Variants in ROBO2 observed in about 807,000 individuals in gnomAD.
ROBO2 encodes the protein roundabout guidance receptor 2, also known as roundabout homolog 2.
Under a neutral mutation model 160.8 loss-of-function variants are expected in ROBO2, and 53 were observed. The ratio of observed to expected loss-of-function variants is 0.33; its 90% CI spans 0.26 to 0.41. The LOEUF (loss-of-function observed/expected upper bound fraction) is 0.41, where lower values mean the gene tolerates loss of function less well. Among genes scored for constraint, ROBO2 ranks in the 10% least tolerant of loss-of-function variants. The pLI, the probability that ROBO2 is intolerant of heterozygous loss-of-function variation, is 1.00. For synonymous variants in ROBO2, 664 were observed against 611.7 expected (o/e 1.09, Z -1.26); for missense variants, 1,577 against 1,722.4 (o/e 0.92, Z 1.49).
At chr3:76,805,512 C>A (rs898512595) in intron 2 of ROBO2, among the ~76,000 whole-genome samples, 1 of 151,748 alleles carries the variant, frequency 6.6e-6, no homozygotes, top group Non-Finnish European at 1.5e-5. Flanking sequence ...TACACACACA[C>A]ATATGTATAT....
intron 1 of ROBO2, among the ~76,000 whole-genome samples, chr3:77,067,951 C>T (rs941336804): frequency 2.6e-5 from 4 of 151,872 alleles, no homozygotes; most frequent in Non-Finnish European, 4.4e-5. Flanking sequence ...CTAGAGTATA[C>T]CTGTTTAAGA....
chr3:76,693,211 C>T (rs935726761), intron 2 of ROBO2, among the ~76,000 whole-genome samples: 1 of 148,124 alleles, frequency 6.8e-6, no homozygotes, highest in African/African-American at 2.5e-5. Flanking sequence ...AGTGTACATA[C>T]ACATATCCCT....
chr3:76,678,752 C>T (rs1368356383), intron 2 of ROBO2, among the ~76,000 whole-genome samples: 10 of 152,110 alleles, frequency 6.6e-5, no homozygotes, highest in Admixed American at 5.2e-4. Flanking sequence ...TTTTGCTCAG[C>T]CGCTAATATT....
rs563332860 is a variant in ROBO2, at chr3:75,985,627, T to C, written c.109+48025T>C. On this transcript the variant is annotated intron_variant, in intron 2 of 26. Transcript: ENST00000487694. ...TTTATGGCTATGTATAGGTCAGTGATACTAAGTACATTTATATTGTGCAAT... is the reference window on the plus strand; with the variant it reads ...TTTATGGCTATGTATAGGTCAGTGACACTAAGTACATTTATATTGTGCAAT... Among the ~76,000 whole-genome samples the C allele has an allele frequency of 2.0e-5, 3 of 151,718 alleles. No individual in the cohort carries two copies. In the East Asian group the frequency reaches 5.8e-4, roughly 29 times the overall value.
rs200470889 is a variant in ROBO2, at chr3:75,935,787, T to C, written c.-13-1694T>C. 6.3e-4 allele frequency among the ~76,000 whole-genome samples: 96 copies of C among 152,260 alleles called. No homozygotes were observed. The East Asian group carries it at 0.018, about 28-fold the overall frequency. On this transcript the variant is annotated intron_variant, in intron 1 of 26. Coordinates refer to the ROBO2 transcript ENST00000487694. Reference sequence around the variant, plus strand: ...TTTTTGGCTGATTGTTGGACTACAATTGGGAGATCTAGAACTAAATTCCTG... The same window carrying C: ...TTTTTGGCTGATTGTTGGACTACAACTGGGAGATCTAGAACTAAATTCCTG...
chr3:77,379,991 T>C (rs953249008), intron 2 of ROBO2, among the ~76,000 whole-genome samples: 2 of 152,026 alleles, frequency 1.3e-5, no homozygotes, highest in African/African-American at 4.8e-5. Context: ...GAAGCAAAGG[T>C]ATTTGGATTG....
intron 1 of ROBO2, among the ~76,000 whole-genome samples, chr3:77,089,849 T>A (rs996748147): frequency 6.6e-6 from 1 of 152,192 alleles, no homozygotes; most frequent in Non-Finnish European, 1.5e-5. Context: ...TTAATCATCA[T>A]GAAGAATTCA....
chr3:76,913,257 T>C (rs891210131), intron 2 of ROBO2, among the ~76,000 whole-genome samples: 2 of 152,158 alleles, frequency 1.3e-5, no homozygotes, highest in African/African-American at 4.8e-5. Context: ...GAGAGGTCTT[T>C]AGGAGGCGTT....
chr3:76,892,992 C>T lies in ROBO2; in HGVS notation c.110-205022C>T, dbSNP rs115970686. Among the ~76,000 whole-genome samples the T allele has an allele frequency of 6.8e-3, 1,032 of 152,250 alleles. 11 individuals carry two copies. Among genetic ancestry groups the T allele is most frequent in the African/African-American group, 0.024 (982 of 41,554 alleles). ...CTTCTCTACCTGCCGATGTGGCCAA[C>T]CTCCTACCTCAAAAGATAAATAGCT... On this transcript the variant is annotated intron_variant, in intron 2 of 26. Coordinates refer to the ROBO2 transcript ENST00000487694.
intron 2 of ROBO2, among the ~76,000 whole-genome samples, chr3:76,008,594 C>G (rs1559827299): frequency 6.6e-6 from 1 of 152,156 alleles, no homozygotes; most frequent in Non-Finnish European, 1.5e-5. Flanking sequence ...CTGCAATAAC[C>G]TAAACACAAA....
At chr3:77,121,496 A>G (rs572001933) in intron 2 of ROBO2, among the ~76,000 whole-genome samples, 6 of 152,294 alleles carry the variant, frequency 3.9e-5, no homozygotes, top group Admixed American at 2.0e-4. Flanking sequence ...GCATCCAGCA[A>G]TCTTACTGAC....
intron 2 of ROBO2, among the ~76,000 whole-genome samples, chr3:76,722,256 GA>G (rs2093477295): frequency 6.6e-6 from 1 of 152,018 alleles, no homozygotes; most frequent in African/African-American, 2.4e-5. Context: ...AAGTAGCCGG[GA>G]TTACAGGTGC....
chr3:76,655,836 T>G (rs1469472902), intron 2 of ROBO2, among the ~76,000 whole-genome samples: 1 of 151,636 alleles, frequency 6.6e-6, no homozygotes, highest in African/African-American at 2.4e-5. Flanking sequence ...AACTAGAGAT[T>G]ATGATTGATC....
At chr3:76,361,877 C>T (rs2075543906) in intron 2 of ROBO2, among the ~76,000 whole-genome samples, 1 of 152,018 alleles carries the variant, frequency 6.6e-6, no homozygotes, top group Non-Finnish European at 1.5e-5. Flanking sequence ...GTAAGGTGTA[C>T]AAAGTGAAAG....
At chr3:76,171,028 C>T (rs2073020471) in intron 2 of ROBO2, among the ~76,000 whole-genome samples, 1 of 152,150 alleles carries the variant, frequency 6.6e-6, no homozygotes, top group Non-Finnish European at 1.5e-5. Context: ...TCCCATTAAA[C>T]AGATGAGATG....
At chr3:76,410,914 T>C (rs1398411879) in intron 2 of ROBO2, among the ~76,000 whole-genome samples, 10 of 152,182 alleles carry the variant, frequency 6.6e-5, no homozygotes, top group African/African-American at 1.9e-4. Flanking sequence ...TTTGGTCTTA[T>C]GAAGAAAAAA....
chr3:76,341,237 G>T (rs1269691831), intron 2 of ROBO2, among the ~76,000 whole-genome samples: 1 of 151,850 alleles, frequency 6.6e-6, no homozygotes, highest in Non-Finnish European at 1.5e-5. Context: ...AGACTTACCT[G>T]CTCACATCAC....
At chr3:75,976,265 C>T (rs2065131503) in intron 2 of ROBO2, among the ~76,000 whole-genome samples, 1 of 151,590 alleles carries the variant, frequency 6.6e-6, no homozygotes, top group Non-Finnish European at 1.5e-5. Flanking sequence ...TTTGTGTTAG[C>T]AGTATTCAAA....
chr3:76,717,803 G>T (rs2107677137), intron 2 of ROBO2, among the ~76,000 whole-genome samples: 2 of 149,586 alleles, frequency 1.3e-5, no homozygotes, highest in South Asian at 4.2e-4. Context: ...GGCTGTGCAA[G>T]ATTTGCTTGG....
Sources: gnomAD v4.1 joint callset for allele counts (sites outside exome capture counted in the v4.1 genomes callset) on GRCh38, gnomAD v4.1.1 for gene constraint, MANE v1.5 for transcripts, NCBI Gene and HGNC (gene_info 2026-07-23, HGNC 2026-07-21) for gene names.